The following DHRS4L2 variants were observed in gnomAD, a reference collection of about 807,000 sequenced individuals.
DHRS4L2 encodes dehydrogenase/reductase 4 like 2.
Under a neutral mutation model 23.9 loss-of-function variants are expected in DHRS4L2, and 22 were observed. That is an observed-to-expected ratio of 0.92 (90% CI 0.66 to 1.31). The LOEUF (loss-of-function observed/expected upper bound fraction) is 1.31. DHRS4L2 is among the 40% of genes most tolerant of loss of function. The probability of loss-of-function intolerance (pLI) is 0.00; values close to 1 mark genes in which losing one functional copy is unlikely to be tolerated. For synonymous variants in DHRS4L2, 141 were observed against 123.7 expected, an observed-to-expected ratio of 1.14 and a Z score of -0.93; for missense variants, 385 against 303.3, an observed-to-expected ratio of 1.27 and a Z score of -2.00.
intron 1 of DHRS4L2, among the ~76,000 whole-genome samples, chr14:23,974,087 G>A (rs1211609495): frequency 6.6e-6 from 1 of 151,744 alleles, no homozygotes; most frequent in Non-Finnish European, 1.5e-5. Flanking sequence ...ACTCAGGACT[G>A]AAAAACTCAC....
chr14:23,994,602 G>A (rs1445676913), intron 2 of DHRS4L2, among the ~76,000 whole-genome samples: 1 of 151,554 alleles, frequency 6.6e-6, no homozygotes, highest in Non-Finnish European at 1.5e-5. Context: ...CCAAGAGGAT[G>A]GCTTGAACCC....
Position 23,989,217 on chromosome 14 carries a change from C to A in DHRS4L2, c.128+142C>A. The A allele has an allele frequency of 4.2e-6, 6 of 1,437,694 alleles. 1 individual carries two copies. In the South Asian group the frequency reaches 8.4e-5, roughly 20 times the overall value. 89.1% of individuals were successfully genotyped at this position (1,437,694 alleles called of 1,614,324 possible). ...CATGGAAAAAAAGTAGCCACGTGGT[C>A]CGCCTGAAGCCCCTCCGAATACCCT... is the stretch of plus-strand genomic sequence containing the variant. On this transcript the variant is annotated intron_variant, in intron 1 of 7. Coordinates refer to ENST00000335125, the MANE Select transcript of DHRS4L2 (RefSeq NM_198083.4).
chr14:23,984,954 T>G (rs2034114635), upstream of DHRS4L2, among the ~76,000 whole-genome samples: 1 of 151,462 alleles, frequency 6.6e-6, no homozygotes, highest in Non-Finnish European at 1.5e-5. Flanking sequence ...GGCCCTGAGC[T>G]TCTATACCCC....
intron 1 of DHRS4L2, among the ~76,000 whole-genome samples, chr14:23,971,357 C>A (rs1405898316): frequency 6.6e-6 from 1 of 151,964 alleles, no homozygotes; most frequent in Non-Finnish European, 1.5e-5. Context: ...ATGAAGGATA[C>A]ACAAGCTTCA....
chr14:23,989,158 T>G, intron 1 of DHRS4L2, 83 bp downstream of exon 1: 1 of 1,527,484 alleles, frequency 6.5e-7, no homozygotes, highest in Non-Finnish European at 8.8e-7. Flanking sequence ...CCAGTGCCCC[T>G]GTCCTCAGAC....
chr14:23,994,476 C>T (rs61999852), intron 2 of DHRS4L2, among the ~76,000 whole-genome samples: 3,384 of 151,670 alleles, frequency 0.022, 111 homozygotes, highest in Middle Eastern at 0.054. Flanking sequence ...TGGCTTGAGC[C>T]CAGGAGTTCC....
At chr14:23,985,962 G>C (rs1431393089), upstream of DHRS4L2, among the ~76,000 whole-genome samples, 1 of 151,440 alleles carries the variant, frequency 6.6e-6, no homozygotes, top group Non-Finnish European at 1.5e-5. Context: ...TGTATTTTTA[G>C]TAAAGACAGG....
At chr14:23,990,974 G>C (rs564490769) in intron 2 of DHRS4L2, 2 of 784,642 alleles carry the variant, frequency 2.5e-6, no homozygotes, top group Middle Eastern at 6.5e-4. Flanking sequence ...CAGTCTCAAA[G>C]AAAGTACATA....
intron 1 of DHRS4L2, among the ~76,000 whole-genome samples, chr14:23,973,229 T>A (rs1405781863): frequency 6.6e-6 from 1 of 151,984 alleles, no homozygotes; most frequent in Admixed American, 6.5e-5. Context: ...GGGAGAAACC[T>A]TGGACAATAC....
At chr14:23,984,978 A>C (rs1286045064), upstream of DHRS4L2, among the ~76,000 whole-genome samples, 1 of 151,276 alleles carries the variant, frequency 6.6e-6, no homozygotes, top group East Asian at 1.9e-4. Flanking sequence ...GTATTTACTG[A>C]GTAAAGGAGA....
intron 1 of DHRS4L2, among the ~76,000 whole-genome samples, chr14:23,971,274 C>T (rs1005929068): frequency 1.3e-5 from 2 of 151,932 alleles, no homozygotes; most frequent in Non-Finnish European, 2.9e-5. Flanking sequence ...AAACGAATGG[C>T]TAACTAGAAT....
chr14:24,000,742 C>G, intron 3 of DHRS4L2, 121 bp from the exon 4 acceptor site: 1 of 835,738 alleles, frequency 1.2e-6, no homozygotes, highest in Admixed American at 2.8e-5. Context: ...GCAGGTATAT[C>G]ATCCTAAGAT....
chr14:23,999,368 A>AC (rs2034444181), intron 3 of DHRS4L2, among the ~76,000 whole-genome samples: 2 of 103,960 alleles, frequency 1.9e-5, no homozygotes, highest in Non-Finnish European at 2.2e-5. Context: ...AAAAAAAAAA[A>AC]AAAAAACAAT....
At chr14:23,982,749 G>A (rs1287199120) in intron 1 of DHRS4L2, among the ~76,000 whole-genome samples, 24 of 151,522 alleles carry the variant, frequency 1.6e-4, no homozygotes, top group South Asian at 4.2e-4. Context: ...CTGGCTAGCC[G>A]TAGGCAGAAA....
upstream of DHRS4L2, among the ~76,000 whole-genome samples, chr14:23,985,497 G>A (rs1292325283): frequency 1.3e-5 from 2 of 151,486 alleles, no homozygotes; most frequent in African/African-American, 4.8e-5. Context: ...CAAAATGCAA[G>A]ACTTAAAATC....
chr14:23,993,077 T>C (rs2034301473), intron 2 of DHRS4L2, among the ~76,000 whole-genome samples: 1 of 149,408 alleles, frequency 6.7e-6, no homozygotes, highest in Non-Finnish European at 1.5e-5. Flanking sequence ...GTATGGGGTA[T>C]ACAGCAGAGT....
chr14:23,999,316 T>G (rs1248176922), intron 3 of DHRS4L2, among the ~76,000 whole-genome samples: 1 of 125,454 alleles, frequency 8.0e-6, no homozygotes, highest in East Asian at 2.2e-4. Context: ...CTCGAATTAA[T>G]GCAGGGTTGC....
At chr14:23,982,157 G>A (rs1210126428) in intron 1 of DHRS4L2, among the ~76,000 whole-genome samples, 6 of 151,694 alleles carry the variant, frequency 4.0e-5, no homozygotes, top group South Asian at 2.1e-4. Context: ...ACCTTGGACA[G>A]TAACCAGCGT....
intron 1 of DHRS4L2, among the ~76,000 whole-genome samples, chr14:23,971,018 T>C (rs1402241059): frequency 1.3e-5 from 2 of 151,934 alleles, no homozygotes; most frequent in South Asian, 2.1e-4. Context: ...AGACCAAAGG[T>C]AGATAAAACC....
Sources: allele counts gnomAD v4.1 joint callset (sites outside exome capture counted in the v4.1 genomes callset), GRCh38; gene constraint gnomAD v4.1.1; transcripts MANE v1.5; gene names NCBI Gene and HGNC (gene_info 2026-07-23, HGNC 2026-07-21).